MYB: variants seen among roughly 807,000 people sequenced by gnomAD.
MYB encodes the protein MYB proto-oncogene, transcription factor.
Under a neutral mutation model 92.9 loss-of-function variants are expected in MYB, and 28 were observed. The ratio of observed to expected loss-of-function variants is 0.30; its 90% CI spans 0.22 to 0.41. The LOEUF (loss-of-function observed/expected upper bound fraction) is 0.41, where lower values mean the gene tolerates loss of function less well. Ranked by LOEUF, MYB falls within the 10% of genes least tolerant of loss-of-function variation. The probability of loss-of-function intolerance (pLI) is 1.00; values close to 1 mark genes in which losing one functional copy is unlikely to be tolerated. For synonymous variants in MYB, 295 were observed against 329.1 expected (o/e 0.90, Z 1.12); for missense variants, 679 against 929.3 (o/e 0.73, Z 3.50).
At chr6:135,196,899 G>A (rs1315210466) in intron 9 of MYB, 62 bp from the exon 10 acceptor site, 1 of 1,586,718 alleles carries the variant, frequency 6.3e-7, no homozygotes, top group Non-Finnish European at 8.6e-7. Context: ...CTCTCTCAGT[G>A]CTGTTTCAGG....
intron 6 of MYB, 33 bp from the exon 7 acceptor site, chr6:135,193,805 T>A: frequency 6.7e-7 from 1 of 1,494,176 alleles, no homozygotes; most frequent in Admixed American, 1.7e-5. Context: ...TAGCCCTGAA[T>A]GACGTGGCCT....
rs570864072 is a variant in MYB, at chr6:135,192,042, A to T, written c.528-282A>T. Among the ~76,000 whole-genome samples the T allele has an allele frequency of 6.6e-5, 10 of 152,350 alleles. No homozygotes were observed. In the South Asian group the frequency reaches 8.3e-4, roughly 13 times the overall value. On this transcript the variant is annotated intron_variant, in intron 5 of 15. Coordinates refer to ENST00000341911, the MANE Select transcript of MYB (RefSeq NM_001130173.2). ...CCGGTCAGAATAAACATGAAGCGTT[A>T]TCGTATTGAAAATACTCCTTTACCA...
At chr6:135,212,024 T>G (rs1442308128) in intron 15 of MYB, among the ~76,000 whole-genome samples, 1 of 152,136 alleles carries the variant, frequency 6.6e-6, no homozygotes. Flanking sequence ...CTGATCCATT[T>G]TTTCAAAAGA....
rs191452587 is a variant in MYB at position 135,206,743 on chromosome 6, T to C, written c.2169+3419T>C. ...TCTGCTATAATAGATACTAATTTAT[T>C]TTAAGAAATACTTAGTGAATGTTGT... On this transcript the variant is annotated intron_variant, in intron 15 of 15. Transcript: ENST00000341911. Among the ~76,000 whole-genome samples, 847 of 152,202 alleles carry C rather than the reference T, an allele frequency of 5.6e-3. 6 individuals are homozygous for C. Among genetic ancestry groups the C allele is most frequent in the African/African-American group, 0.02 (816 of 41,550 alleles).
In MYB at chr6:135,218,464, A is replaced by G. The variant is rs1400681039; in HGVS notation, c.*484A>G. On this transcript the variant is annotated 3_prime_UTR_variant, in exon 16 of 16. Transcript: ENST00000341911. ...CATGTGACATTTAATCCAGATTGTA[A>G]ATGCTCATTTATGGTTAATGACATT... 2.1e-5 allele frequency: 4 copies of G among 187,522 alleles called. No homozygotes were observed. The highest frequency in any genetic ancestry group is 9.4e-5 in the African/African-American group (4 of 42,778). The allele number at this position is 187,522 out of a possible 1,614,324, so 11.6% of individuals were successfully genotyped here. A position where few individuals can be genotyped will look rare whatever the true frequency, so the allele number is the denominator to read the frequency against.
chr6:135,219,093 T>C lies in MYB; in HGVS notation c.*1113T>C, dbSNP rs1780769861. 4.5e-6 allele frequency: 1 copy of C among 224,430 alleles called. No individual in the cohort carries two copies. The highest frequency in any genetic ancestry group is 1.8e-4 in the South Asian group (1 of 5,460). The allele number at this position is 224,430 out of a possible 1,614,324, so 13.9% of individuals were successfully genotyped here. A position where few individuals can be genotyped will look rare whatever the true frequency, so the allele number is the denominator to read the frequency against. On this transcript the variant is annotated 3_prime_UTR_variant, in exon 16 of 16. Transcript: ENST00000341911. ...TGCCTTAAGAACATTTGATGCAAGATGGCCAGCACTGAACTTTTGAGATAT... is the reference window on the plus strand; with the variant it reads ...TGCCTTAAGAACATTTGATGCAAGACGGCCAGCACTGAACTTTTGAGATAT...
chr6:135,218,025 G>T lies in MYB; in HGVS notation c.*45G>T. The T allele has an allele frequency of 7.0e-7, 1 of 1,421,206 alleles. No individual in the cohort carries two copies. Among genetic ancestry groups the T allele is most frequent in the South Asian group, 1.2e-5 (1 of 86,876 alleles). The allele number at this position is 1,421,206 out of a possible 1,614,324, so 88.0% of individuals were successfully genotyped here. A position where few individuals can be genotyped will look rare whatever the true frequency, so the allele number is the denominator to read the frequency against. ...TATGGTTTTCAGAACACTTCAAGTT[G>T]ACTTGGGATATATCATTCCTCAACA... On this transcript the variant is annotated 3_prime_UTR_variant, in exon 16 of 16. Coordinates refer to ENST00000341911, the MANE Select transcript of MYB (RefSeq NM_001130173.2).
intron 8 of MYB, 96 bp from the exon 9 acceptor site, chr6:135,195,652 C>A: frequency 7.2e-7 from 1 of 1,380,098 alleles, no homozygotes; most frequent in Non-Finnish European, 1.0e-6. Context: ...TATCTTTCCT[C>A]CAACAGCATC....
intron 15 of MYB, among the ~76,000 whole-genome samples, chr6:135,211,727 A>T (rs537953469): frequency 6.6e-6 from 1 of 152,334 alleles, no homozygotes; most frequent in African/African-American, 2.4e-5. Flanking sequence ...GGAAAGGTCC[A>T]TCCACATTTG....
At chr6:135,186,189 C>A (rs1374075880) in intron 2 of MYB, among the ~76,000 whole-genome samples, 169 bp downstream of exon 2, 2 of 152,168 alleles carry the variant, frequency 1.3e-5, no homozygotes, top group Admixed American at 6.5e-5. Flanking sequence ...TTATATTATC[C>A]ATTTCCACAC....
intron 3 of MYB, 87 bp downstream of exon 3, chr6:135,187,992 T>C: frequency 1.1e-6 from 1 of 932,768 alleles, no homozygotes; most frequent in Non-Finnish European, 1.6e-6. Flanking sequence ...ATTAAGATAG[T>C]GTATAATTTA....
At chr6:135,212,722 A>G (rs1038073564) in intron 15 of MYB, among the ~76,000 whole-genome samples, 6 of 152,232 alleles carry the variant, frequency 3.9e-5, no homozygotes, top group South Asian at 2.1e-4. Context: ...TAGTAACTTA[A>G]CAAGAATTCA....
At chr6:135,186,277 T>G (rs1187832323) in intron 2 of MYB, among the ~76,000 whole-genome samples, 1 of 152,226 alleles carries the variant, frequency 6.6e-6, no homozygotes, top group East Asian at 1.9e-4. Context: ...GTTCTCATCC[T>G]TTTGTCCCAC....
chr6:135,207,470 C>T (rs193217339), intron 15 of MYB, among the ~76,000 whole-genome samples: 208 of 152,268 alleles, frequency 1.4e-3, no homozygotes, highest in South Asian at 2.3e-3. Flanking sequence ...TTAATCACCC[C>T]GGCTTGATTA....
intron 8 of MYB, chr6:135,194,997 A>T: frequency 7.5e-7 from 1 of 1,340,542 alleles, no homozygotes; most frequent in Non-Finnish European, 9.8e-7. Context: ...ATCTTTAGCG[A>T]CTGGGCAGCC....
Position 135,198,999 on chromosome 6 carries a change from C to T in MYB, c.1658C>T (p.Thr553Ile), listed in dbSNP as rs1203580616. The change falls in exon 11 of 16, where the codon ACA (threonine) becomes ATA (isoleucine). Residue 553 changes from threonine to isoleucine, a missense_variant. Coordinates refer to ENST00000341911, the MANE Select transcript of MYB (RefSeq NM_001130173.2). The stretch of plus-strand genomic sequence containing the variant: ...CTCATTGGTCACAAATTGACTGTTA[C>T]AACACCATTTCATAGAGACCAGACT... ...TPLIGHKLTV[T>I]TPFHRDQTVK... 1 of 1,612,050 alleles carries T rather than the reference C, an allele frequency of 6.2e-7. No homozygotes were observed. Among genetic ancestry groups the T allele is most frequent in the Middle Eastern group, 1.6e-4 (1 of 6,076 alleles).
intron 15 of MYB, among the ~76,000 whole-genome samples, chr6:135,205,756 C>T (rs1778779438): frequency 6.6e-6 from 1 of 152,184 alleles, no homozygotes; most frequent in Non-Finnish European, 1.5e-5. Context: ...CTGGTTTACA[C>T]TGACCAGATA....
At chr6:135,203,363 C>A (rs745330982) in intron 15 of MYB, 39 bp downstream of exon 15, 13 of 1,450,446 alleles carry the variant, frequency 9.0e-6, no homozygotes, top group Non-Finnish European at 1.2e-5. Context: ...AAAATTCATT[C>A]ACTGAAAAAC....
intron 8 of MYB, chr6:135,194,784 A>T: frequency 1.6e-6 from 1 of 631,296 alleles, no homozygotes; most frequent in Non-Finnish European, 2.5e-6. Context: ...CTACAGAGCT[A>T]TGTATCTATA....
Sources: gnomAD v4.1 joint callset for allele counts (sites outside exome capture counted in the v4.1 genomes callset) on GRCh38, gnomAD v4.1.1 for gene constraint, MANE v1.5 for transcripts, NCBI Gene and HGNC (gene_info 2026-07-23, HGNC 2026-07-21) for gene names.